The following TNRC6B variants were observed in gnomAD, a reference collection of about 807,000 sequenced individuals.
TNRC6B encodes trinucleotide repeat-containing gene 6B protein.
TNRC6B carries 52 observed loss-of-function variants against 203.6 expected under a neutral mutation model. The ratio of observed to expected loss-of-function variants is 0.26; its 90% CI spans 0.20 to 0.32. TNRC6B has a LOEUF of 0.32. Among genes scored for constraint, TNRC6B ranks in the 10% least tolerant of loss-of-function variants. The pLI is 1.00. For synonymous variants in TNRC6B, 838 were observed against 845.7 expected (o/e 0.99, Z 0.16); for missense variants, 1,923 against 2,286.2 (o/e 0.84, Z 3.24).
intron 4 of TNRC6B, among the ~76,000 whole-genome samples, chr22:40,263,947 A>G (rs893829232): frequency 6.6e-6 from 1 of 152,248 alleles, no homozygotes; most frequent in Non-Finnish European, 1.5e-5. Flanking sequence ...AGTTGTGAAC[A>G]TGGTGCCACA....
At chr22:40,220,215 A>G (rs563747518) in intron 1 of TNRC6B, among the ~76,000 whole-genome samples, 26 of 152,278 alleles carry the variant, frequency 1.7e-4, no homozygotes, top group African/African-American at 5.3e-4. Context: ...TGGAGTGTGT[A>G]GCAGGGAATC....
At chr22:40,057,180 G>A (rs1442807185) in intron 1 of TNRC6B, among the ~76,000 whole-genome samples, 1 of 151,956 alleles carries the variant, frequency 6.6e-6, no homozygotes, top group African/African-American at 2.4e-5. Flanking sequence ...CACTATCTGT[G>A]GTTTATGACA....
At chr22:40,081,108 G>A (rs1050024685) in intron 1 of TNRC6B, among the ~76,000 whole-genome samples, 13 of 152,106 alleles carry the variant, frequency 8.5e-5, no homozygotes, top group African/African-American at 1.9e-4. Context: ...TGATCCACCC[G>A]CCTCAGCCTC....
At chr22:40,248,475 C>T (rs1226985376) in intron 2 of TNRC6B, among the ~76,000 whole-genome samples, 1 of 152,224 alleles carries the variant, frequency 6.6e-6, no homozygotes, top group Non-Finnish European at 1.5e-5. Flanking sequence ...TATTCCTCTT[C>T]ATTTTTAACA....
rs376951481 is a variant in TNRC6B at position 40,204,357 on chromosome 22, A to AT, written c.5+26225dup. Among the ~76,000 whole-genome samples the AT allele has an allele frequency of 2.7e-3, 406 of 151,902 alleles. 2 individuals carry two copies. The highest frequency in any genetic ancestry group is 8.6e-3 in the African/African-American group (356 of 41,412). ...GGGATAAACCAGGCATGTAGGTTCA[A>AT]TTTTTTTTGCCTTTGTTGGGATGCT... On this transcript the variant is annotated intron_variant, in intron 1 of 22. Coordinates refer to ENST00000454349, the MANE Select transcript of TNRC6B (RefSeq NM_001162501.2).
chr22:40,125,995 G>T, intron 3 of TNRC6B: 1 of 894,994 alleles, frequency 1.1e-6, no homozygotes, highest in Non-Finnish European at 1.6e-6. Context: ...ACATAAGATT[G>T]AGAAATATTT....
intron 4 of TNRC6B, among the ~76,000 whole-genome samples, chr22:40,157,470 A>C (rs2068827781): frequency 6.6e-6 from 1 of 152,244 alleles, no homozygotes; most frequent in African/African-American, 2.4e-5. Flanking sequence ...GATTCATTAA[A>C]GGAAAATGGC....
chr22:40,259,469 A>T (rs778101054), intron 3 of TNRC6B, among the ~76,000 whole-genome samples: 1 of 152,110 alleles, frequency 6.6e-6, no homozygotes, highest in Non-Finnish European at 1.5e-5. Context: ...TGATCTACCC[A>T]CCTCGGCCTC....
intron 3 of TNRC6B, among the ~76,000 whole-genome samples, chr22:40,151,994 T>C (rs894207878): frequency 7.9e-5 from 12 of 152,038 alleles, no homozygotes; most frequent in Non-Finnish European, 1.2e-4. Flanking sequence ...AGAGAAAATG[T>C]CCCAAACCTG....
intron 4 of TNRC6B, among the ~76,000 whole-genome samples, chr22:40,156,426 G>C (rs1035604604): frequency 6.6e-6 from 1 of 152,146 alleles, no homozygotes; most frequent in Non-Finnish European, 1.5e-5. Context: ...TTGTAGCAAA[G>C]GCTTTAAGGC....
chr22:40,200,676 A>C (rs2069401117), intron 1 of TNRC6B, among the ~76,000 whole-genome samples: 1 of 152,048 alleles, frequency 6.6e-6, no homozygotes, highest in Admixed American at 6.6e-5. Flanking sequence ...TCCCCTTTTA[A>C]GCATTTTATT....
At chr22:40,107,112 C>T (rs73424264) in intron 1 of TNRC6B, 13,699 of 635,338 alleles carry the variant, frequency 0.022, 1,110 homozygotes, top group African/African-American at 0.19. Context: ...TGAACAAATA[C>T]TCTTAATTTT....
intron 1 of TNRC6B, among the ~76,000 whole-genome samples, chr22:40,082,069 A>G (rs1470928326): frequency 1.3e-5 from 2 of 152,152 alleles, no homozygotes. Flanking sequence ...GTCTCTATTC[A>G]TTGATGCTTA....
Position 40,070,041 on chromosome 22 carries a change from A to G in TNRC6B, c.-121+25043A>G, listed in dbSNP as rs2067934179. 3.3e-5 allele frequency among the ~76,000 whole-genome samples: 5 copies of G among 152,022 alleles called. No individual in the cohort carries two copies. The South Asian group carries it at 1.0e-3, about 31-fold the overall frequency. On this transcript the variant is annotated intron_variant, in intron 1 of 23. Transcript: ENST00000301923. ...TTATTAAAGTGTTCATTCTGTGCCT[A>G]TTTTTTCGTATCTTCTAAAATACCC...
intron 21 of TNRC6B, 35 bp from the exon 22 acceptor site, chr22:40,321,055 C>T (rs780752225): frequency 2.5e-6 from 4 of 1,610,116 alleles, no homozygotes; most frequent in Non-Finnish European, 3.4e-6. Context: ...CACCCCACCT[C>T]CAGTCTTTAT....
At chr22:40,299,518 C>T (rs1037850627) in intron 12 of TNRC6B, among the ~76,000 whole-genome samples, 5 of 152,160 alleles carry the variant, frequency 3.3e-5, no homozygotes, top group Non-Finnish European at 1.5e-5. Context: ...GGATTACAGG[C>T]GTGAGCCACC....
chr22:40,208,727 T>G (rs2069519486), intron 1 of TNRC6B, among the ~76,000 whole-genome samples: 1 of 152,210 alleles, frequency 6.6e-6, no homozygotes, highest in African/African-American at 2.4e-5. Flanking sequence ...GTATTAAATA[T>G]GTAATAAAAA....
At chr22:40,222,037 C>T (rs143287389) in intron 1 of TNRC6B, among the ~76,000 whole-genome samples, 3 of 152,168 alleles carry the variant, frequency 2.0e-5, no homozygotes, top group African/African-American at 4.8e-5. Context: ...CTTTAAGCCC[C>T]GGGAAAAGTG....
chr22:40,200,535 G>C (rs185429027), intron 1 of TNRC6B, among the ~76,000 whole-genome samples: 7 of 151,706 alleles, frequency 4.6e-5, no homozygotes, highest in African/African-American at 1.7e-4. Context: ...TGATCTGCCC[G>C]CCTCGGCCTC....
Sources: allele counts gnomAD v4.1 joint callset (sites outside exome capture counted in the v4.1 genomes callset), GRCh38; gene constraint gnomAD v4.1.1; transcripts MANE v1.5; gene names NCBI Gene and HGNC (gene_info 2026-07-23, HGNC 2026-07-21).